The following MCTP1 variants were observed in gnomAD, a reference collection of about 807,000 sequenced individuals.
The protein encoded by MCTP1 is multiple C2 and transmembrane domain containing 1.
A neutral mutation model predicts 120.6 loss-of-function variants in MCTP1; 69 were observed. The observed-to-expected ratio is 0.57, with a 90% CI of 0.47 to 0.70. The LOEUF (loss-of-function observed/expected upper bound fraction) is 0.70. Ranked by LOEUF, MCTP1 falls within the 30% of genes least tolerant of loss-of-function variation. The probability of loss-of-function intolerance (pLI) is 0.00; values close to 1 mark genes in which losing one functional copy is unlikely to be tolerated. For missense variants in MCTP1, 1,203 were observed against 1,248.8 expected (o/e 0.96, Z 0.55); for synonymous variants, 529 against 493.1 (o/e 1.07, Z -0.96).
rs1370132226 is a variant in MCTP1, at chr5:94,793,473, C to T, written c.2556+5540G>A. On this transcript the variant is annotated intron_variant, in intron 18 of 22. Transcript: ENST00000515393. ...GCACGAAGAAGAAAAGAGTGATCAT[C>T]CATTTTTAGATGTGTTTACAGGCTG... is the stretch of plus-strand genomic sequence containing the variant. 1.3e-5 allele frequency: 2 copies of T among 152,118 alleles called. 1 individual carries two copies. Among genetic ancestry groups the T allele is most frequent in the African/African-American group, 4.8e-5 (2 of 41,416 alleles). 9.4% of individuals were successfully genotyped at this position (152,118 alleles called of 1,614,324 possible). A position where few individuals can be genotyped will look rare whatever the true frequency, so the allele number is the denominator to read the frequency against.
chr5:95,157,921 G>T (rs530154623), intron 1 of MCTP1, among the ~76,000 whole-genome samples: 2 of 152,054 alleles, frequency 1.3e-5, no homozygotes, highest in Non-Finnish European at 2.9e-5. Flanking sequence ...AGCATGGCCC[G>T]CAAAGCCTAA....
chr5:95,264,268 T>C (rs1344805552), intron 1 of MCTP1, among the ~76,000 whole-genome samples: 1 of 152,236 alleles, frequency 6.6e-6, no homozygotes, highest in African/African-American at 2.4e-5. Context: ...ACTCAGGTGC[T>C]GTTATTTGTA....
At chr5:95,029,554 C>A (rs1839910469) in intron 1 of MCTP1, among the ~76,000 whole-genome samples, 1 of 152,128 alleles carries the variant, frequency 6.6e-6, no homozygotes, top group East Asian at 1.9e-4. Flanking sequence ...GGGGCACAAA[C>A]AAGGAAAGCA....
intron 19 of MCTP1, among the ~76,000 whole-genome samples, chr5:94,719,309 G>T (rs1760300167): frequency 6.6e-6 from 1 of 152,114 alleles, no homozygotes; most frequent in Non-Finnish European, 1.5e-5. Flanking sequence ...CCATTACTGG[G>T]TATATACCCA....
chr5:94,929,726 T>G, intron 6 of MCTP1: 1 of 970,446 alleles, frequency 1.0e-6, no homozygotes, highest in Non-Finnish European at 1.2e-6. Flanking sequence ...TAGCTAGTAA[T>G]TGAAATGTCA....
At chr5:94,934,486 A>T (rs1815640195) in intron 5 of MCTP1, among the ~76,000 whole-genome samples, 1 of 151,786 alleles carries the variant, frequency 6.6e-6, no homozygotes, top group South Asian at 2.1e-4. Context: ...CTTGTGATAG[A>T]GCTGCAGAAG....
At chr5:94,716,329 A>G (rs1231421577) in intron 19 of MCTP1, among the ~76,000 whole-genome samples, 3 of 152,140 alleles carry the variant, frequency 2.0e-5, no homozygotes, top group Admixed American at 6.6e-5. Flanking sequence ...TACTGTCTTC[A>G]GAAGTCACCA....
intron 5 of MCTP1, among the ~76,000 whole-genome samples, chr5:94,932,918 A>G (rs1207724867): frequency 6.6e-6 from 1 of 152,012 alleles, no homozygotes; most frequent in Non-Finnish European, 1.5e-5. Context: ...GAACCATGTC[A>G]GAAACTATTC....
At chr5:94,772,775 T>C (rs1349803893) in intron 19 of MCTP1, among the ~76,000 whole-genome samples, 1 of 152,214 alleles carries the variant, frequency 6.6e-6, no homozygotes, top group Non-Finnish European at 1.5e-5. Flanking sequence ...AGATCATGTC[T>C]GAGGTAACCT....
At chr5:94,808,431 G>A (rs564276823) in intron 17 of MCTP1, among the ~76,000 whole-genome samples, 2 of 152,130 alleles carry the variant, frequency 1.3e-5, no homozygotes, top group African/African-American at 4.8e-5. Flanking sequence ...GACTACCTTA[G>A]ACCCACTGAA....
chr5:94,837,339 C>T (rs749392733), intron 17 of MCTP1, among the ~76,000 whole-genome samples: 3 of 152,170 alleles, frequency 2.0e-5, no homozygotes, highest in Non-Finnish European at 4.4e-5. Context: ...CATGATCATA[C>T]CACTGCACTC....
At chr5:94,878,357 T>G (rs1799346983) in intron 12 of MCTP1, among the ~76,000 whole-genome samples, 1 of 152,096 alleles carries the variant, frequency 6.6e-6, no homozygotes, top group African/African-American at 2.4e-5. Context: ...TTATATTAAC[T>G]CACACTTTAA....
rs1156245802 is a variant in MCTP1, at chr5:94,706,003, A to G, written c.*1493T>C. 6.6e-6 allele frequency: 1 copy of G among 151,840 alleles called. No individual in the cohort carries two copies. Among genetic ancestry groups the G allele is most frequent in the South Asian group, 2.1e-4 (1 of 4,832 alleles). 9.4% of individuals were successfully genotyped at this position (151,840 alleles called of 1,614,324 possible). On this transcript the variant is annotated 3_prime_UTR_variant, in exon 23 of 23. Coordinates refer to ENST00000515393, the MANE Select transcript of MCTP1 (RefSeq NM_024717.7). ...CTATTATAAGAAATAGTATTTAACA[A>G]CTTATCTCTAAAATAAAAATACTTT... is the stretch of plus-strand genomic sequence containing the variant.
chr5:95,058,371 TCAAAAC>T (rs987223536), intron 1 of MCTP1, among the ~76,000 whole-genome samples: 3 of 152,204 alleles, frequency 2.0e-5, no homozygotes, highest in African/African-American at 7.2e-5. Context: ...ATCCCATGAG[TCAAAAC>T]CAGAATTATG....
rs761561840 is a variant in MCTP1, at chr5:94,942,308, A to G, written c.1061+40T>C. On this transcript the variant is annotated intron_variant, in intron 4 of 22. Transcript: ENST00000515393. The stretch of plus-strand genomic sequence containing the variant: ...ATTTTCTGTTACACAAGCCCACTGC[A>G]TGACAAGGGGTGGTGATATTACAGC... The G allele has an allele frequency of 1.2e-5, 17 of 1,466,792 alleles. No homozygotes were observed. In the Admixed American group the frequency reaches 2.9e-4, roughly 25 times the overall value. The allele number at this position is 1,466,792 out of a possible 1,614,324, so 90.9% of individuals were successfully genotyped here.
At chr5:95,095,515 G>T (rs1419091803) in intron 1 of MCTP1, among the ~76,000 whole-genome samples, 1 of 152,090 alleles carries the variant, frequency 6.6e-6, no homozygotes, top group African/African-American at 2.4e-5. Flanking sequence ...AGTCAATAGG[G>T]GTTGGTTTAT....
chr5:94,815,244 C>G (rs1247402109), intron 17 of MCTP1, among the ~76,000 whole-genome samples: 1 of 152,166 alleles, frequency 6.6e-6, no homozygotes, highest in Non-Finnish European at 1.5e-5. Context: ...TAGGATAACC[C>G]CATATCTTCC....
chr5:94,889,233 A>C (rs1407943810), intron 11 of MCTP1, among the ~76,000 whole-genome samples: 2 of 152,200 alleles, frequency 1.3e-5, no homozygotes, highest in Non-Finnish European at 2.9e-5. Flanking sequence ...ATAAGAACTT[A>C]AGTAGTTTTA....
intron 2 of MCTP1, among the ~76,000 whole-genome samples, chr5:94,962,270 T>G (rs924724351): frequency 3.3e-5 from 5 of 152,036 alleles, no homozygotes; most frequent in African/African-American, 9.7e-5. Context: ...GAAGGACTAT[T>G]TAATCCAACA....
Sources: gnomAD v4.1 joint callset for allele counts (sites outside exome capture counted in the v4.1 genomes callset) on GRCh38, gnomAD v4.1.1 for gene constraint, MANE v1.5 for transcripts, NCBI Gene and HGNC (gene_info 2026-07-23, HGNC 2026-07-21) for gene names.